Variants in IGFL2 observed in about 807,000 individuals in gnomAD.
IGFL2 encodes the protein IGF like family member 2, also known as insulin growth factor-like family member 2.
In IGFL2, 7 loss-of-function variants were observed where a neutral mutation model predicts 13.9. The ratio of observed to expected loss-of-function variants is 0.51; its 90% CI spans 0.29 to 0.95. The LOEUF (loss-of-function observed/expected upper bound fraction) is 0.95. Ranked by LOEUF, IGFL2 falls within the 40% of genes least tolerant of loss-of-function variation. IGFL2 has a pLI of 0.08. For synonymous variants in IGFL2, 55 were observed against 55.8 expected, an observed-to-expected ratio of 0.99 and a Z score of 0.07; for missense variants, 138 against 147.8, an observed-to-expected ratio of 0.93 and a Z score of 0.34.
chr19:46,135,859 A>G, the IGFL2 span, among the ~76,000 whole-genome samples: 1 of 152,150 alleles, frequency 6.6e-6, no homozygotes, highest in African/African-American at 2.4e-5. Context: ...CCATGTCAAC[A>G]TTTTTCAAAG....
chr19:46,153,648 A>T (rs527526257), intron 1 of IGFL2, among the ~76,000 whole-genome samples: 1 of 152,100 alleles, frequency 6.6e-6, no homozygotes, highest in East Asian at 1.9e-4. Flanking sequence ...AAGTAGTTAC[A>T]AGTTATATAA....
At chr19:46,183,724 T>G in the IGFL2 span, among the ~76,000 whole-genome samples, 4 of 152,016 alleles carry the variant, frequency 2.6e-5, no homozygotes, top group African/African-American at 9.7e-5. Flanking sequence ...TTAGTAGAGA[T>G]GAAGTTTCAT....
At chr19:46,208,844 C>T in the IGFL2 span, 1 of 152,246 alleles carries the variant, frequency 6.6e-6, no homozygotes, top group East Asian at 1.9e-4. Context: ...TCAATTAAAC[C>T]TCTTTCCTTT....
chr19:46,173,618 A>G, the IGFL2 span: 1 of 152,180 alleles, frequency 6.6e-6, no homozygotes, highest in African/African-American at 2.4e-5. Flanking sequence ...CTCTTGCACA[A>G]AGTAACAGGG....
chr19:46,165,560 G>T (rs980918222), downstream of IGFL2, among the ~76,000 whole-genome samples: 3 of 152,204 alleles, frequency 2.0e-5, no homozygotes, highest in Admixed American at 2.0e-4. Flanking sequence ...GCTCCATTTG[G>T]TGCGTGGCCC....
chr19:46,128,378 A>G, the IGFL2 span, among the ~76,000 whole-genome samples: 1 of 152,022 alleles, frequency 6.6e-6, no homozygotes, highest in Non-Finnish European at 1.5e-5. Flanking sequence ...TTCCTATACT[A>G]TGTTGAATAG....
At chr19:46,190,128 A>T in the IGFL2 span, 7 of 152,196 alleles carry the variant, frequency 4.6e-5, no homozygotes, top group Non-Finnish European at 8.8e-5. Context: ...GTGTCATGGA[A>T]CAACCACATC....
chr19:46,212,051 CA>C, the IGFL2 span: 4 of 104,214 alleles, frequency 3.8e-5, no homozygotes, highest in East Asian at 2.7e-4. Flanking sequence ...TTTCTTAATC[CA>C]TTTTTTTTTT....
intron 1 of IGFL2, among the ~76,000 whole-genome samples, chr19:46,150,029 C>T (rs1465291037): frequency 6.6e-6 from 1 of 152,184 alleles, no homozygotes; most frequent in Non-Finnish European, 1.5e-5. Flanking sequence ...CCAGATTCTT[C>T]AACCTTTGTT....
chr19:46,132,182 C>G, the IGFL2 span, among the ~76,000 whole-genome samples: 3 of 152,156 alleles, frequency 2.0e-5, no homozygotes, highest in African/African-American at 4.8e-5. Flanking sequence ...GAAATTCTTA[C>G]CCTTTTGCTG....
chr19:46,156,641 G>T (rs1973839610), intron 1 of IGFL2, among the ~76,000 whole-genome samples: 1 of 152,046 alleles, frequency 6.6e-6, no homozygotes, highest in African/African-American at 2.4e-5. Context: ...CATATATAAA[G>T]CAGTGCTAAG....
chr19:46,135,254 C>T, the IGFL2 span, among the ~76,000 whole-genome samples: 1 of 151,958 alleles, frequency 6.6e-6, no homozygotes, highest in East Asian at 1.9e-4. Context: ...TCAGTTGTCC[C>T]CTCATGTCCA....
At chr19:46,124,656 A>T in the IGFL2 span, 1 of 1,607,988 alleles carries the variant, frequency 6.2e-7, no homozygotes, top group Non-Finnish European at 8.5e-7. Flanking sequence ...TCATGCTTCC[A>T]AAGATGCTCT....
chr19:46,097,382 T>A, the IGFL2 span, among the ~76,000 whole-genome samples: 1 of 152,224 alleles, frequency 6.6e-6, no homozygotes, highest in Non-Finnish European at 1.5e-5. Context: ...TCATTTTTTA[T>A]TGTGTCTGTT....
chr19:46,198,067 C>T, the IGFL2 span: 1 of 131,784 alleles, frequency 7.6e-6, no homozygotes, highest in Non-Finnish European at 1.6e-5. Context: ...TCCTTTCCTT[C>T]CTTCCTTCCT....
the IGFL2 span, among the ~76,000 whole-genome samples, chr19:46,172,434 AC>A: frequency 6.6e-6 from 1 of 152,204 alleles, no homozygotes; most frequent in African/African-American, 2.4e-5. Flanking sequence ...TTAAAAAATC[AC>A]AGCCAGTTGA....
upstream of IGFL2, among the ~76,000 whole-genome samples, chr19:46,141,031 A>G (rs1972835976): frequency 6.6e-6 from 1 of 152,230 alleles, no homozygotes; most frequent in Admixed American, 6.5e-5. Context: ...GCATTTTACC[A>G]GAATCTAAAT....
the IGFL2 span, among the ~76,000 whole-genome samples, chr19:46,206,520 T>C: frequency 6.6e-6 from 1 of 151,992 alleles, no homozygotes; most frequent in Non-Finnish European, 1.5e-5. Flanking sequence ...CCCGGACAGG[T>C]AGTCAGTGAT....
chr19:46,136,989 A>G, the IGFL2 span: 2 of 1,537,594 alleles, frequency 1.3e-6, no homozygotes, highest in South Asian at 1.1e-5. Flanking sequence ...TCCCACACCA[A>G]CTGACTGGCA....
Sources: allele counts gnomAD v4.1 joint callset (sites outside exome capture counted in the v4.1 genomes callset), GRCh38; gene constraint gnomAD v4.1.1; transcripts MANE v1.5; gene names NCBI Gene and HGNC (gene_info 2026-07-23, HGNC 2026-07-21).